LHFPL3: variants seen among roughly 807,000 people sequenced by gnomAD.
LHFPL3 encodes LHFPL tetraspan subfamily member 3 protein.
In LHFPL3, 5 loss-of-function variants were observed where a neutral mutation model predicts 19.3. That is an observed-to-expected ratio of 0.26 (90% CI 0.14 to 0.54). LHFPL3 has a LOEUF of 0.54. Among genes scored for constraint, LHFPL3 ranks in the 20% least tolerant of loss-of-function variants. The probability of loss-of-function intolerance (pLI) is 0.94; values close to 1 mark genes in which losing one functional copy is unlikely to be tolerated. For synonymous variants in LHFPL3, 133 were observed against 126.2 expected, an observed-to-expected ratio of 1.05 and a Z score of -0.36; for missense variants, 249 against 307.4, an observed-to-expected ratio of 0.81 and a Z score of 1.42.
At chr7:104,830,559 A>T (rs1467224126) in intron 2 of LHFPL3, among the ~76,000 whole-genome samples, 2 of 151,892 alleles carry the variant, frequency 1.3e-5, no homozygotes, top group Non-Finnish European at 1.5e-5. Flanking sequence ...ATGGCTAGCC[A>T]GTTTTCCCAG....
In LHFPL3 at chr7:104,597,771, G is replaced by C. The variant is rs867866635; in HGVS notation, c.446-138904G>C. On this transcript the variant is annotated intron_variant, in intron 1 of 2. Coordinates refer to ENST00000424859, the MANE Select transcript of LHFPL3 (RefSeq NM_199000.3). ...CATTACTCCCTTTGCTTATATGTGA[G>C]GGAACTTCAAAAAGTTCATAGAAAA... Among the ~76,000 whole-genome samples, 128 of 152,148 alleles carry C rather than the reference G, an allele frequency of 8.4e-4. 1 individual carries two copies. The highest frequency in any genetic ancestry group is 3.0e-3 in the African/African-American group (125 of 41,502).
intron 1 of LHFPL3, among the ~76,000 whole-genome samples, chr7:104,653,327 A>G (rs1792064061): frequency 6.6e-6 from 1 of 152,182 alleles, no homozygotes; most frequent in Non-Finnish European, 1.5e-5. Flanking sequence ...CTGAGTGGAA[A>G]CATCCGGGAG....
At chr7:104,333,995 A>C (rs930366873) in intron 1 of LHFPL3, among the ~76,000 whole-genome samples, 1 of 152,184 alleles carries the variant, frequency 6.6e-6, no homozygotes, top group African/African-American at 2.4e-5. Context: ...ATATGCATAT[A>C]ATTGTACCTG....
chr7:104,352,163 TAAA>T (rs531724329), intron 1 of LHFPL3, among the ~76,000 whole-genome samples: 47 of 136,540 alleles, frequency 3.4e-4, no homozygotes, highest in South Asian at 1.8e-3. Flanking sequence ...AGGCCCTGTA[TAAA>T]AAAAAAAAAA....
At chr7:104,439,475 A>G (rs1485252066) in intron 1 of LHFPL3, among the ~76,000 whole-genome samples, 1 of 152,210 alleles carries the variant, frequency 6.6e-6, no homozygotes, top group Non-Finnish European at 1.5e-5. Flanking sequence ...CTCCAAAATG[A>G]AAAGTTAATG....
At chr7:104,498,348 C>T (rs1276013483) in intron 1 of LHFPL3, among the ~76,000 whole-genome samples, 3 of 152,138 alleles carry the variant, frequency 2.0e-5, no homozygotes, top group Non-Finnish European at 4.4e-5. Flanking sequence ...ATGAGGCTTC[C>T]CTTGTCACTC....
chr7:104,555,864 G>A, intron 1 of LHFPL3, among the ~76,000 whole-genome samples: 1 of 152,168 alleles, frequency 6.6e-6, no homozygotes, highest in East Asian at 1.9e-4. Context: ...GATATAATGG[G>A]GGTACAGGCA....
intron 1 of LHFPL3, among the ~76,000 whole-genome samples, chr7:104,644,753 C>CG (rs1791901813): frequency 3.2e-4 from 1 of 3,094 alleles, no homozygotes; most frequent in East Asian, 0.1. Flanking sequence ...CATTCCTCCC[C>CG]CTCCCTGCTG....
intron 2 of LHFPL3, among the ~76,000 whole-genome samples, chr7:104,782,772 C>G (rs765761214): frequency 3.9e-5 from 6 of 152,198 alleles, no homozygotes; most frequent in Non-Finnish European, 5.9e-5. Flanking sequence ...ATACCTCCAC[C>G]TTCACCTCTC....
At position 104,905,515 on chromosome 7, in the gene LHFPL3, A is replaced by G. The variant is rs143904602; in HGVS notation, c.683-672A>G. Reference sequence around the variant, plus strand: ...GGAAGGTGGCTCACTTCAGCTCAGGAGTTCGAGATCAGCCTGGGCAACATG... The same window carrying G: ...GGAAGGTGGCTCACTTCAGCTCAGGGGTTCGAGATCAGCCTGGGCAACATG... On this transcript the variant is annotated intron_variant, in intron 2 of 2. Coordinates refer to ENST00000424859, the MANE Select transcript of LHFPL3 (RefSeq NM_199000.3). Among the ~76,000 whole-genome samples, 958 of 152,232 alleles carry G rather than the reference A, an allele frequency of 6.3e-3. 13 individuals carry two copies. Among genetic ancestry groups the G allele is most frequent in the African/African-American group, 0.022 (903 of 41,546 alleles).
chr7:104,854,239 G>A (rs960859107), intron 2 of LHFPL3, among the ~76,000 whole-genome samples: 5 of 151,456 alleles, frequency 3.3e-5, no homozygotes, highest in African/African-American at 1.2e-4. Flanking sequence ...GTTAGAGGGA[G>A]GTGACCAGGA....
At chr7:104,559,591 G>C (rs868622584) in intron 1 of LHFPL3, among the ~76,000 whole-genome samples, 1 of 152,088 alleles carries the variant, frequency 6.6e-6, no homozygotes, top group Non-Finnish European at 1.5e-5. Flanking sequence ...CTGAGACGAT[G>C]GGGTTTTATA....
Position 104,328,699 on chromosome 7 carries a change from C to G in LHFPL3, c.-81C>G. ...AGGGGAGTTGCAGCGCGCGAGGCTC[C>G]GTGAGTGTGTCTCCTGCGCGCTGAG... On this transcript the variant is annotated 5_prime_UTR_variant, in exon 1 of 3. Transcript: ENST00000424859. The surrounding 1 kb of genome is among the most constrained non-coding windows in gnomAD (Gnocchi z 4.6). 3.1e-6 allele frequency: 4 copies of G among 1,279,902 alleles called. No individual in the cohort carries two copies. The highest frequency in any genetic ancestry group is 1.4e-5 in the South Asian group (1 of 73,890). 79.3% of individuals were successfully genotyped at this position (1,279,902 alleles called of 1,614,324 possible).
chr7:104,760,243 T>A (rs1794350308), intron 2 of LHFPL3, among the ~76,000 whole-genome samples: 1 of 152,210 alleles, frequency 6.6e-6, no homozygotes, highest in African/African-American at 2.4e-5. Flanking sequence ...AAGCTAATGA[T>A]GATGCTTCCC....
intron 1 of LHFPL3, among the ~76,000 whole-genome samples, chr7:104,735,423 C>A (rs1385127431): frequency 6.6e-6 from 1 of 152,240 alleles, no homozygotes; most frequent in Non-Finnish European, 1.5e-5. Flanking sequence ...ATGGCGGGCG[C>A]CCCTCTCCCA....
chr7:104,863,946 T>C (rs741323), intron 2 of LHFPL3, among the ~76,000 whole-genome samples: 96,870 of 152,096 alleles, frequency 0.64, 33,013 homozygotes, highest in Non-Finnish European at 0.78. Context: ...GGGGTAATAA[T>C]AGTACCTCCC....
chr7:104,619,105 C>A (rs1466966473), intron 1 of LHFPL3, among the ~76,000 whole-genome samples: 4 of 152,188 alleles, frequency 2.6e-5, no homozygotes, highest in Non-Finnish European at 5.9e-5. Context: ...GAGTGAGAAG[C>A]TGGACATGCT....
intron 2 of LHFPL3, among the ~76,000 whole-genome samples, chr7:104,784,737 A>C (rs778220964): frequency 6.6e-5 from 10 of 152,232 alleles, no homozygotes; most frequent in Non-Finnish European, 1.5e-4. Context: ...AATAAACAAA[A>C]TGTCATATGA....
At chr7:104,687,999 A>G (rs1488996936) in intron 1 of LHFPL3, among the ~76,000 whole-genome samples, 3 of 152,222 alleles carry the variant, frequency 2.0e-5, no homozygotes, top group Non-Finnish European at 4.4e-5. Flanking sequence ...AGAAAATACT[A>G]AGGACTCTAC....
Sources: gnomAD v4.1 joint callset for allele counts (sites outside exome capture counted in the v4.1 genomes callset) on GRCh38, gnomAD v4.1.1 for gene constraint, Gnocchi (gnomAD v3.1) non-coding constraint, MANE v1.5 for transcripts, NCBI Gene and HGNC (gene_info 2026-07-23, HGNC 2026-07-21) for gene names.